The following HYDIN variants were observed in gnomAD, a reference collection of about 807,000 sequenced individuals.
The protein encoded by HYDIN is axonemal central pair apparatus protein HYDIN.
HYDIN carries 132 observed loss-of-function variants against 403.9 expected under a neutral mutation model. That is an observed-to-expected ratio of 0.33 (90% CI 0.28 to 0.38). The LOEUF is 0.38. HYDIN is among the 10% of genes least tolerant of loss of function. HYDIN has a pLI of 1.00. For synonymous variants in HYDIN, 1,202 were observed against 1,891.7 expected (o/e 0.64, Z 9.46); for missense variants, 2,827 against 5,009.5 (o/e 0.56, Z 13.15).
At position 71,093,715 on chromosome 16, in the gene HYDIN, T is replaced by C. The variant is rs1434702597; in HGVS notation, c.1446+102A>G. ...ACAAGGATGAGTAACGGCGAATAAATGTGATTGCATACTCTTTCCATCAAA... is the reference window on the plus strand; with the variant it reads ...ACAAGGATGAGTAACGGCGAATAAACGTGATTGCATACTCTTTCCATCAAA... On this transcript the variant is annotated intron_variant, in intron 11 of 85. Coordinates refer to ENST00000393567, the MANE Select transcript of HYDIN (RefSeq NM_001270974.2). 13 of 1,363,550 alleles carry C rather than the reference T, an allele frequency of 9.5e-6. No individual in the cohort carries two copies. In the East Asian group the frequency reaches 3.0e-4, roughly 32 times the overall value. 84.5% of individuals were successfully genotyped at this position (1,363,550 alleles called of 1,614,324 possible).
At chr16:71,065,795 T>A (rs1278941213) in intron 15 of HYDIN, among the ~76,000 whole-genome samples, 7 of 152,194 alleles carry the variant, frequency 4.6e-5, no homozygotes, top group Non-Finnish European at 7.3e-5. Flanking sequence ...TGTGGCAGAA[T>A]CATGGCAGGC....
chr16:71,012,284 C>T (rs1300793203), intron 23 of HYDIN, among the ~76,000 whole-genome samples: 1 of 152,272 alleles, frequency 6.6e-6, no homozygotes, highest in Non-Finnish European at 1.5e-5. Context: ...CATGAATGGC[C>T]AGCCCCGGCA....
chr16:71,136,879 G>C (rs996387809), intron 8 of HYDIN, among the ~76,000 whole-genome samples: 5 of 144,334 alleles, frequency 3.5e-5, no homozygotes, highest in African/African-American at 1.3e-4. Context: ...AGAATGATAG[G>C]TTTTGTCTTC....
At chr16:70,988,918 T>C (rs1452151790) in intron 25 of HYDIN, among the ~76,000 whole-genome samples, 4 of 151,460 alleles carry the variant, frequency 2.6e-5, no homozygotes, top group Non-Finnish European at 5.9e-5. Context: ...CATTGGCAAA[T>C]AGAAATATCT....
At chr16:70,907,251 T>C (rs1231499981) in intron 50 of HYDIN, 121 bp downstream of exon 50, 12 of 554,562 alleles carry the variant, frequency 2.2e-5, no homozygotes, top group South Asian at 1.0e-4. Context: ...TGATTTGTGG[T>C]TGGGGCTAAG....
rs528789031 is a variant in HYDIN, at chr16:70,920,833, G to A, written c.7543C>T (p.Arg2515Cys). Residue 2515 changes from arginine (R) to cysteine (C), a missense_variant, in exon 46 of 86, where the codon CGC (arginine) becomes TGC (cysteine). Transcript: ENST00000393567. ...RRGRKDRERE[R>C]LEKERTEKER... is the part of the protein sequence containing the mutation. ...TTCTCCGTGCGCTCCTTCTCCAGGC[G>A]CTCTCTCTCCCGGTCCTTGCGGCCC... 1.4e-5 allele frequency: 22 copies of A among 1,576,930 alleles called. No homozygotes were observed. Among genetic ancestry groups the A allele is most frequent in the East Asian group, 2.3e-5 (1 of 42,864 alleles).
At chr16:71,187,959 C>T (rs2087237401) in intron 1 of HYDIN, among the ~76,000 whole-genome samples, 1 of 152,058 alleles carries the variant, frequency 6.6e-6, no homozygotes, top group Non-Finnish European at 1.5e-5. Context: ...ACTAATATTG[C>T]CCTACCTTTG....
intron 9 of HYDIN, among the ~76,000 whole-genome samples, chr16:71,128,199 A>G (rs1017568484): frequency 2.6e-5 from 4 of 152,230 alleles, no homozygotes; most frequent in Admixed American, 6.5e-5. Context: ...TGTCTTCTCC[A>G]GTGACTCACA....
At position 70,806,028 on chromosome 16, in the gene HYDIN, T is replaced by C. The variant is rs1305488676; in HGVS notation, c.*1552A>G. Among the ~76,000 whole-genome samples the C allele has an allele frequency of 6.6e-6, 1 of 152,144 alleles. No individual in the cohort carries two copies. Among genetic ancestry groups the C allele is most frequent in the African/African-American group, 2.4e-5 (1 of 41,428 alleles). Reference sequence around the variant, plus strand: ...ACCTACTTGATAGTCACTGAGTAGATGACTTGGGGTTAGCAGGTCAACTGT... The same window carrying C: ...ACCTACTTGATAGTCACTGAGTAGACGACTTGGGGTTAGCAGGTCAACTGT... On this transcript the variant is annotated 3_prime_UTR_variant, in exon 86 of 86. Coordinates refer to ENST00000393567, the MANE Select transcript of HYDIN (RefSeq NM_001270974.2).
At chr16:70,897,803 T>C (rs2076248237) in intron 53 of HYDIN, among the ~76,000 whole-genome samples, 1 of 152,198 alleles carries the variant, frequency 6.6e-6, no homozygotes, top group Admixed American at 6.5e-5. Context: ...AGTTCCACGC[T>C]GCTTTGTTCA....
intron 13 of HYDIN, among the ~76,000 whole-genome samples, chr16:71,076,563 TA>T (rs1230108919): frequency 1.1e-5 from 1 of 90,958 alleles, no homozygotes; most frequent in Non-Finnish European, 1.9e-5. Flanking sequence ...AGTTGGGTTA[TA>T]AAAAAATACT....
intron 1 of HYDIN, among the ~76,000 whole-genome samples, chr16:71,228,156 T>C (rs1007570904): frequency 4.6e-5 from 7 of 151,974 alleles, no homozygotes; most frequent in South Asian, 2.1e-4. Flanking sequence ...ATACAAAAAT[T>C]AATTCAAGAT....
At chr16:70,999,051 C>T (rs1466158209) in intron 23 of HYDIN, among the ~76,000 whole-genome samples, 14 of 152,148 alleles carry the variant, frequency 9.2e-5, no homozygotes, top group Non-Finnish European at 1.5e-4. Flanking sequence ...TGGAAACTGA[C>T]GAGAGATCGC....
chr16:70,882,044 T>C lies in HYDIN; in HGVS notation c.10215+616A>G, dbSNP rs1284881882. 5.2e-5 allele frequency among the ~76,000 whole-genome samples: 8 copies of C among 152,386 alleles called. No homozygotes were observed. The East Asian group carries it at 1.5e-3, about 29-fold the overall frequency. On this transcript the variant is annotated intron_variant, in intron 60 of 85. Transcript: ENST00000393567. The stretch of plus-strand genomic sequence containing the variant: ...CCTGGCAGCCCCCTGAGATGGGCAA[T>C]TATTTCATCTTGTATGTGGATGAAG...
intron 5 of HYDIN, among the ~76,000 whole-genome samples, chr16:71,163,048 CACA>C (rs1280484640): frequency 1.3e-5 from 2 of 151,738 alleles, no homozygotes; most frequent in African/African-American, 4.8e-5. Flanking sequence ...CAAGAAGATT[CACA>C]ACAGTTCCCT....
At chr16:71,134,463 C>T (rs892850883) in intron 8 of HYDIN, among the ~76,000 whole-genome samples, 7 of 152,230 alleles carry the variant, frequency 4.6e-5, no homozygotes, top group Admixed American at 1.3e-4. Context: ...GCTCTGCAGG[C>T]CTTGCTGGGG....
chr16:71,079,247 C>T (rs1476061541), intron 13 of HYDIN, among the ~76,000 whole-genome samples: 2 of 151,972 alleles, frequency 1.3e-5, no homozygotes, highest in Non-Finnish European at 2.9e-5. Context: ...AATTCTCAGC[C>T]GCCATCTCTT....
At chr16:70,835,028 T>G (rs1461617298) in intron 78 of HYDIN, among the ~76,000 whole-genome samples, 3 of 140,236 alleles carry the variant, frequency 2.1e-5, no homozygotes, top group East Asian at 4.0e-4. Flanking sequence ...ATATATATGT[T>G]TTTTTTTTTT....
chr16:71,069,277 G>C lies in HYDIN; in HGVS notation c.1964C>G (p.Ala655Gly), dbSNP rs1216450712. 1 of 1,612,910 alleles carries C rather than the reference G, an allele frequency of 6.2e-7. No homozygotes were observed. Among genetic ancestry groups the C allele is most frequent in the Admixed American group, 1.7e-5 (1 of 59,912 alleles). The change falls in exon 14 of 86, where the codon GCT becomes GGT. Residue 655 changes from alanine to glycine, a missense_variant. Ala to Gly is a moderately conservative substitution (Grantham distance 60, BLOSUM62 0). Transcript: ENST00000393567. ...GGCCATGCACTTTACCCTGATAGCA[G>C]CAAATCCCTGGGGGCGAATGGTGCC... The part of the protein sequence containing the change: ...DCGTIRPQGF[A>G]AIRVTLCSNT...
Sources: allele counts gnomAD v4.1 joint callset (sites outside exome capture counted in the v4.1 genomes callset), GRCh38; gene constraint gnomAD v4.1.1; transcripts MANE v1.5; gene names NCBI Gene and HGNC (gene_info 2026-07-23, HGNC 2026-07-21).